The following EPHA6 variants were observed in gnomAD, a reference collection of about 807,000 sequenced individuals.
The protein encoded by EPHA6 is ephrin type-A receptor 6.
A neutral mutation model predicts 112.0 loss-of-function variants in EPHA6; 50 were observed. The observed-to-expected ratio is 0.45, with a 90% CI of 0.36 to 0.56. EPHA6 has a LOEUF of 0.56. EPHA6 is among the 20% of genes least tolerant of loss of function. The pLI, the probability that EPHA6 is intolerant of heterozygous loss-of-function variation, is 0.00. For missense variants in EPHA6, 1,280 were observed against 1,417.4 expected, an observed-to-expected ratio of 0.90 and a Z score of 1.56; for synonymous variants, 529 against 490.7, an observed-to-expected ratio of 1.08 and a Z score of -1.03.
intron 6 of EPHA6, among the ~76,000 whole-genome samples, chr3:97,435,041 T>G (rs2089749138): frequency 6.6e-6 from 1 of 152,206 alleles, no homozygotes; most frequent in African/African-American, 2.4e-5. Flanking sequence ...AAGTTTAAAC[T>G]GCCAGTTTTC....
intron 1 of EPHA6, among the ~76,000 whole-genome samples, chr3:96,846,719 T>A (rs1009317859): frequency 5.3e-5 from 8 of 152,026 alleles, no homozygotes; most frequent in African/African-American, 1.9e-4. Context: ...AGAGGACTAT[T>A]TACTGGGTGT....
intron 6 of EPHA6, among the ~76,000 whole-genome samples, chr3:97,446,851 A>G (rs2090362954): frequency 6.6e-6 from 1 of 152,152 alleles, no homozygotes; most frequent in South Asian, 2.1e-4. Flanking sequence ...AATCCCTAAC[A>G]GCTCACTGTC....
intron 1 of EPHA6, among the ~76,000 whole-genome samples, chr3:96,849,510 G>A (rs1466268309): frequency 1.3e-5 from 2 of 152,082 alleles, no homozygotes; most frequent in Admixed American, 1.3e-4. Flanking sequence ...TTGCTTGGTA[G>A]AATCCTTCAG....
chr3:97,225,688 T>C (rs2078334418), intron 3 of EPHA6, among the ~76,000 whole-genome samples: 2 of 152,170 alleles, frequency 1.3e-5, no homozygotes, highest in Admixed American at 6.5e-5. Flanking sequence ...TCTTTTGAAT[T>C]ACTAGATCAT....
At chr3:96,914,907 C>G (rs1184979741) in intron 2 of EPHA6, among the ~76,000 whole-genome samples, 4 of 151,622 alleles carry the variant, frequency 2.6e-5, no homozygotes, top group Non-Finnish European at 4.4e-5. Flanking sequence ...AAATGACATT[C>G]AGATTAGTTA....
intron 3 of EPHA6, among the ~76,000 whole-genome samples, chr3:97,086,809 A>C (rs2046915457): frequency 1.3e-5 from 2 of 152,166 alleles, no homozygotes; most frequent in South Asian, 4.1e-4. Flanking sequence ...ATTTTAATGA[A>C]GTATCAATTT....
At chr3:97,623,072 T>C (rs1021704716) in intron 13 of EPHA6, among the ~76,000 whole-genome samples, 1 of 151,794 alleles carries the variant, frequency 6.6e-6, no homozygotes, top group African/African-American at 2.4e-5. Context: ...ACTCTGCAGA[T>C]AGTGTTTTTT....
At chr3:97,006,752 A>T (rs926271059) in intron 3 of EPHA6, among the ~76,000 whole-genome samples, 1 of 152,110 alleles carries the variant, frequency 6.6e-6, no homozygotes, top group African/African-American at 2.4e-5. Context: ...TAGTGCTATA[A>T]ATTTCCCTCT....
intron 7 of EPHA6, among the ~76,000 whole-genome samples, chr3:97,456,164 T>C (rs1204944338): frequency 1.3e-5 from 2 of 152,138 alleles, no homozygotes; most frequent in Non-Finnish European, 2.9e-5. Context: ...TAGCAACATA[T>C]GTAAAATATT....
chr3:97,116,203 C>T (rs907123790), intron 3 of EPHA6, among the ~76,000 whole-genome samples: 1 of 151,672 alleles, frequency 6.6e-6, no homozygotes, highest in East Asian at 1.9e-4. Context: ...TCTTTGTTTA[C>T]TTCCTCCATC....
At chr3:96,988,815 C>A (rs975711941) in intron 3 of EPHA6, among the ~76,000 whole-genome samples, 1 of 151,990 alleles carries the variant, frequency 6.6e-6, no homozygotes, top group Non-Finnish European at 1.5e-5. Flanking sequence ...TAGAACTATA[C>A]CTTTCACATT....
intron 1 of EPHA6, among the ~76,000 whole-genome samples, chr3:96,861,797 G>C (rs1012311843): frequency 1.3e-5 from 2 of 151,856 alleles, no homozygotes; most frequent in African/African-American, 4.8e-5. Context: ...TTGATCTCAG[G>C]TTCTAGATAA....
At chr3:97,475,281 A>T in intron 7 of EPHA6, 71 bp from the exon 8 acceptor site, 1 of 1,135,356 alleles carries the variant, frequency 8.8e-7, no homozygotes, top group Admixed American at 2.1e-5. Flanking sequence ...TCTAGTGTAA[A>T]CTAAATTGTA....
At chr3:97,157,605 C>T (rs925508605) in intron 3 of EPHA6, among the ~76,000 whole-genome samples, 1 of 151,038 alleles carries the variant, frequency 6.6e-6, no homozygotes, top group Non-Finnish European at 1.5e-5. Flanking sequence ...GTAAAATCTG[C>T]AGTCAGCAAG....
intron 13 of EPHA6, among the ~76,000 whole-genome samples, chr3:97,615,157 G>A (rs931970329): frequency 2.6e-5 from 4 of 152,226 alleles, no homozygotes; most frequent in African/African-American, 4.8e-5. Flanking sequence ...ACAGAGCAAC[G>A]GGAACCTCCC....
intron 11 of EPHA6, among the ~76,000 whole-genome samples, chr3:97,544,324 G>T (rs2092913678): frequency 6.6e-6 from 1 of 151,998 alleles, no homozygotes; most frequent in Non-Finnish European, 1.5e-5. Flanking sequence ...TTTGTCAAAG[G>T]CCTTTTCTGC....
chr3:96,905,628 A>T (rs2038891361), intron 2 of EPHA6, among the ~76,000 whole-genome samples: 1 of 152,138 alleles, frequency 6.6e-6, no homozygotes, highest in South Asian at 2.1e-4. Context: ...GAAATAGCTC[A>T]TGTGTTTTTT....
At chr3:97,117,940 A>T (rs1007729437) in intron 3 of EPHA6, among the ~76,000 whole-genome samples, 2 of 151,760 alleles carry the variant, frequency 1.3e-5, no homozygotes, top group Non-Finnish European at 3.0e-5. Context: ...TGCTATATTC[A>T]GTTCCTTTAG....
intron 6 of EPHA6, among the ~76,000 whole-genome samples, chr3:97,429,296 C>CT (rs903523948): frequency 1.3e-5 from 2 of 152,056 alleles, no homozygotes; most frequent in African/African-American, 4.8e-5. Context: ...ATGCATGTAT[C>CT]TTTTTTTCCT....
Sources: allele counts gnomAD v4.1 joint callset (sites outside exome capture counted in the v4.1 genomes callset), GRCh38; gene constraint gnomAD v4.1.1; transcripts MANE v1.5; gene names NCBI Gene and HGNC (gene_info 2026-07-23, HGNC 2026-07-21).